Variants in SGSH observed in about 807,000 individuals in gnomAD.
The protein encoded by SGSH is N-sulfoglucosamine sulfohydrolase, also known as heparan sulfate sulfatase.
SGSH carries 48 observed loss-of-function variants against 51.0 expected under a neutral mutation model. The ratio of observed to expected loss-of-function variants is 0.94; its 90% CI spans 0.75 to 1.20. SGSH has a LOEUF of 1.20. Among genes scored for constraint, SGSH ranks in the 50% most tolerant of loss-of-function variants. The pLI is 0.00. For missense variants in SGSH, 662 were observed against 717.8 expected, an observed-to-expected ratio of 0.92 and a Z score of 0.89; for synonymous variants, 321 against 313.4, an observed-to-expected ratio of 1.02 and a Z score of -0.26.
chr17:80,208,207 C>T (rs2144638393), downstream of SGSH: 2 of 1,556,500 alleles, frequency 1.3e-6, no homozygotes, highest in Admixed American at 1.9e-5. Context: ...AGGAGGGAGA[C>T]CTGGACCGGG....
downstream of SGSH, chr17:80,209,190 G>A: frequency 1.9e-6 from 1 of 534,412 alleles, no homozygotes; most frequent in Non-Finnish European, 2.4e-6. Flanking sequence ...CTGCCTCCTG[G>A]GGCTGTTGCA....
At chr17:80,214,842 C>A in intron 3 of SGSH, 77 bp from the exon 4 acceptor site, 6 of 1,545,056 alleles carry the variant, frequency 3.9e-6, no homozygotes, top group Middle Eastern at 1.8e-4. Flanking sequence ...CCCCTCTCGG[C>A]CCTAAGCGCA....
downstream of SGSH, chr17:80,203,560 A>T: frequency 4.6e-6 from 2 of 434,710 alleles, no homozygotes; most frequent in Non-Finnish European, 8.2e-6. The surrounding 1 kb of genome is among the most constrained non-coding windows in gnomAD (Gnocchi z 4.6). Context: ...GCTCAACAGC[A>T]CCCCCTGGGT....
rs774010006 is a variant in SGSH at position 80,215,120 on chromosome 17, C to T, written c.268G>A (p.Gly90Arg). 3.1e-6 allele frequency: 5 copies of T among 1,611,786 alleles called. No homozygotes were observed. The highest frequency in any genetic ancestry group is 2.5e-6 in the Non-Finnish European group (3 of 1,179,884). ...AAGTGGTGCACGTCCTGGTGCAGCC[C>T]GTACATCCCATTCTGATGCTGCCAG... ...GLPQHQNGMY[G>R]LHQDVHHFNS... Residue 90 changes from glycine (G) to arginine (R), a missense_variant, in exon 3 of 8, where the codon GGG (glycine) becomes AGG (arginine). Coordinates refer to ENST00000326317, the MANE Select transcript of SGSH (RefSeq NM_000199.5).
chr17:80,210,972 T>C lies in SGSH; in HGVS notation c.989A>G (p.Tyr330Cys). 6.2e-7 allele frequency: 1 copy of C among 1,600,036 alleles called. No homozygotes were observed. Among genetic ancestry groups the C allele is most frequent in the Non-Finnish European group, 8.5e-7 (1 of 1,179,804 alleles). ...PTILDWFSIP[Y>C]PSYAIFGSKT... is the part of the protein sequence containing the mutation. ...CGAGCCAAAGATGGCGTAGCTGGGG[T>C]ACGGGATCGAGAACCAATCCAAGAT... The change falls in exon 8 of 8, where the codon TAC (tyrosine) becomes TGC (cysteine). Residue 330 changes from tyrosine to cysteine, a missense_variant. Coordinates refer to ENST00000326317, the MANE Select transcript of SGSH (RefSeq NM_000199.5).
chr17:80,217,136 G>A lies in SGSH; in HGVS notation c.145C>T (p.His49Tyr), dbSNP rs749768976. ...AYNNSAIATP[H>Y]LDALARRSLL... ...CTGCGGCGGGCCAAGGCGTCCAGGT[G>A]CGGGGTGGCGATGGCGCTGTTGTTG... is the stretch of plus-strand genomic sequence containing the variant. Residue 49 changes from histidine (H) to tyrosine (Y), a missense_variant, in exon 2 of 8, where the codon CAC (histidine) becomes TAC (tyrosine). Physicochemically the swap from His to Tyr is moderately conservative, Grantham distance 83. Transcript: ENST00000326317. 3 of 1,601,014 alleles carry A rather than the reference G, an allele frequency of 1.9e-6. No homozygotes were observed. In the East Asian group the frequency reaches 6.8e-5, roughly 36 times the overall value.
At position 80,217,045 on chromosome 17, in the gene SGSH, G is replaced by A; in HGVS notation, c.236C>T (p.Thr79Ile). The A allele has an allele frequency of 6.3e-7, 1 of 1,583,018 alleles. No individual in the cohort carries two copies. The highest frequency in any genetic ancestry group is 1.8e-5 in the Admixed American group (1 of 55,296). ...CTTGCACCTCACCTGGGGCAGGCCA[G>A]TGAGGAGGCTGGCGCGGCTGGGAGA... ...SCSPSRASLL[T>I]GLPQHQNGMY... The change falls in exon 2 of 8, where the codon ACT (threonine) becomes ATT (isoleucine). Residue 79 changes from threonine (T) to isoleucine (I), a missense_variant. Coordinates refer to ENST00000326317, the MANE Select transcript of SGSH (RefSeq NM_000199.5).
chr17:80,207,027 G>A, downstream of SGSH: 5 of 1,614,036 alleles, frequency 3.1e-6, no homozygotes, highest in South Asian at 4.4e-5. Context: ...GCACAGGATG[G>A]ACATCTTCCC....
chr17:80,201,986 A>T (rs2041002425), downstream of SGSH: 8 of 1,402,610 alleles, frequency 5.7e-6, no homozygotes, highest in Non-Finnish European at 7.7e-6. This position sits in a 1 kb window ranked among gnomAD's most constrained non-coding sequence, Gnocchi z 5.0. Flanking sequence ...CCAAGAGAGG[A>T]TCAGCCAGGC....
chr17:80,208,382 G>C (rs2041472745), downstream of SGSH: 6 of 1,519,900 alleles, frequency 3.9e-6, no homozygotes, highest in Non-Finnish European at 5.4e-6. Context: ...GGGGGCTTCT[G>C]TGTGCCTGTT....
chr17:80,214,087 G>C (rs1305268395), intron 5 of SGSH, 85 bp downstream of exon 5: 3 of 1,506,456 alleles, frequency 2.0e-6, no homozygotes, highest in Admixed American at 3.9e-5. Flanking sequence ...TCATCATCTA[G>C]GGCCAGGGCT....
At position 80,217,046 on chromosome 17, in the gene SGSH, T is replaced by G. The variant is rs779703983; in HGVS notation, c.235A>C (p.Thr79Pro). 23 of 1,582,912 alleles carry G rather than the reference T, an allele frequency of 1.5e-5. No individual in the cohort carries two copies. The highest frequency in any genetic ancestry group is 2.0e-5 in the Non-Finnish European group (23 of 1,166,782). ...TTGCACCTCACCTGGGGCAGGCCAGTGAGGAGGCTGGCGCGGCTGGGAGAG... is the reference window on the plus strand; with the variant it reads ...TTGCACCTCACCTGGGGCAGGCCAGGGAGGAGGCTGGCGCGGCTGGGAGAG... The part of the protein sequence containing the change: ...SCSPSRASLL[T>P]GLPQHQNGMY... Residue 79 changes from threonine (T) to proline (P), a missense_variant, in exon 2 of 8, where the codon ACT (threonine) becomes CCT (proline). Physicochemically the swap from Thr to Pro is conservative, Grantham distance 38. Transcript: ENST00000326317.
intron 7 of SGSH, chr17:80,211,447 G>A: frequency 3.3e-6 from 1 of 305,124 alleles, no homozygotes; most frequent in East Asian, 8.8e-5. Context: ...GGCTCTGCCA[G>A]GCAGTGGGCA....
At chr17:80,202,730 T>C, downstream of SGSH, 1 of 672,076 alleles carries the variant, frequency 1.5e-6, no homozygotes, top group African/African-American at 1.8e-5. Flanking sequence ...TCCTGGGCAC[T>C]GCAGGATATA....
chr17:80,213,818 C>T lies in SGSH; in HGVS notation c.731G>A (p.Gly244Asp). 2.5e-6 allele frequency: 4 copies of T among 1,604,702 alleles called. No homozygotes were observed. Among genetic ancestry groups the T allele is most frequent in the Non-Finnish European group, 3.4e-6 (4 of 1,178,132 alleles). Reference protein sequence around the residue: ...ADLAAQYTTVGRMDQGVGLVL... With the variant: ...ADLAAQYTTVDRMDQGVGLVL... ...TGCAAGCCCACCTTGGTCCATGCGG[C>T]CGACGGTGGTGTACTGAGCGGCCAG... The change falls in exon 6 of 8, where the codon GGC becomes GAC. Residue 244 changes from glycine to aspartate, a missense_variant. Transcript: ENST00000326317. The surrounding 1 kb of genome is among the most constrained non-coding windows in gnomAD (Gnocchi z 4.6).
chr17:80,212,538 C>T lies in SGSH; in HGVS notation c.746-264G>A, dbSNP rs2041710728. On this transcript the variant is annotated intron_variant, in intron 6 of 7. Transcript: ENST00000326317. This position sits in a 1 kb window ranked among gnomAD's most constrained non-coding sequence, Gnocchi z 5.9. Reference sequence around the variant, plus strand: ...TTGGCACTTCTGTGTCACCCCCAGGCAGCTGCTCCCTGGTGCCCGCCGGCT... The same window carrying T: ...TTGGCACTTCTGTGTCACCCCCAGGTAGCTGCTCCCTGGTGCCCGCCGGCT... 1.9e-6 allele frequency: 1 copy of T among 539,692 alleles called. No individual in the cohort carries two copies. Among genetic ancestry groups the T allele is most frequent in the Non-Finnish European group, 3.4e-6 (1 of 297,430 alleles). 33.4% of individuals were successfully genotyped at this position (539,692 alleles called of 1,614,324 possible).
chr17:80,209,725 A>G lies in SGSH; in HGVS notation c.*727T>C. 3 of 985,586 alleles carry G rather than the reference A, an allele frequency of 3.0e-6. No homozygotes were observed. Among genetic ancestry groups the G allele is most frequent in the Non-Finnish European group, 3.6e-6 (3 of 830,084 alleles). 61.1% of individuals were successfully genotyped at this position (985,586 alleles called of 1,614,324 possible). On this transcript the variant is annotated 3_prime_UTR_variant, in exon 8 of 8. Coordinates refer to ENST00000326317, the MANE Select transcript of SGSH (RefSeq NM_000199.5). Reference sequence around the variant, plus strand: ...CCGAAGAATTAACCCAAGCCAGAGGACGGGCATCGCCATGCCTTCATCTTC... The same window carrying G: ...CCGAAGAATTAACCCAAGCCAGAGGGCGGGCATCGCCATGCCTTCATCTTC...
rs1284139181 is a variant in SGSH, at chr17:80,215,100, G to T, written c.288C>A (p.His96Gln). Residue 96 changes from histidine to glutamine, a missense_variant, in exon 3 of 8, where the codon CAC (histidine) becomes CAA (glutamine). Physicochemically the swap from His to Gln is conservative, Grantham distance 24 (BLOSUM62 0). Coordinates refer to ENST00000326317, the MANE Select transcript of SGSH (RefSeq NM_000199.5). ...NGMYGLHQDV[H>Q]HFNSFDKVRS... Reference sequence around the variant, plus strand: ...GCACCTTGTCGAAGGAGTTGAAGTGGTGCACGTCCTGGTGCAGCCCGTACA... The same window carrying T: ...GCACCTTGTCGAAGGAGTTGAAGTGTTGCACGTCCTGGTGCAGCCCGTACA... 1 of 1,612,232 alleles carries T rather than the reference G, an allele frequency of 6.2e-7. No individual in the cohort carries two copies. The highest frequency in any genetic ancestry group is 1.3e-5 in the African/African-American group (1 of 74,932).
At position 80,211,168 on chromosome 17, in the gene SGSH, ATC is replaced by A. The variant is rs1229943392; in HGVS notation, c.950-159_950-158del. ...AGCCGACACCTCTCACCGCCACGTCATCTCTCTGGGCCTCAGTGCCTTGAATG... is the reference window on the plus strand; with the variant it reads ...AGCCGACACCTCTCACCGCCACGTCATCTCTGGGCCTCAGTGCCTTGAATG... On this transcript the variant is annotated intron_variant, in intron 7 of 7. Transcript: ENST00000326317. 16 of 1,512,380 alleles carry A rather than the reference ATC, an allele frequency of 1.1e-5. No homozygotes were observed. In the Admixed American group the frequency reaches 2.4e-4, roughly 23 times the overall value. The allele number at this position is 1,512,380 out of a possible 1,614,324, so 93.7% of individuals were successfully genotyped here.
Sources: gnomAD v4.1 joint callset for allele counts on GRCh38, gnomAD v4.1.1 for gene constraint, Gnocchi (gnomAD v3.1) non-coding constraint, MANE v1.5 for transcripts, NCBI Gene and HGNC (gene_info 2026-07-23, HGNC 2026-07-21) for gene names.